GTF2IRD1: variants seen among roughly 807,000 people sequenced by gnomAD.
The protein encoded by GTF2IRD1 is GTF2I repeat domain containing 1.
In GTF2IRD1, 26 loss-of-function variants were observed where a neutral mutation model predicts 113.2. That is an observed-to-expected ratio of 0.23 (90% CI 0.17 to 0.32). The LOEUF is 0.32. Ranked by LOEUF, GTF2IRD1 falls within the 10% of genes least tolerant of loss-of-function variation. The pLI, the probability that GTF2IRD1 is intolerant of heterozygous loss-of-function variation, is 1.00. For missense variants in GTF2IRD1, 864 were observed against 1,280.8 expected (o/e 0.67, Z 4.97); for synonymous variants, 484 against 529.1 (o/e 0.91, Z 1.17).
At chr7:74,519,963 T>A (rs1172498436) in intron 6 of GTF2IRD1, among the ~76,000 whole-genome samples, 6 of 151,516 alleles carry the variant, frequency 4.0e-5, no homozygotes, top group African/African-American at 1.2e-4. Context: ...CTGCGAGGAC[T>A]CCCTGGGTCC....
intron 22 of GTF2IRD1, among the ~76,000 whole-genome samples, chr7:74,587,322 G>T (rs1562894509): frequency 6.6e-6 from 1 of 152,086 alleles, no homozygotes; most frequent in East Asian, 1.9e-4. Flanking sequence ...GCAGGCGCCT[G>T]TAGTCCCAGC....
At chr7:74,517,930 C>T (rs587742658) in intron 4 of GTF2IRD1, among the ~76,000 whole-genome samples, 13 of 152,308 alleles carry the variant, frequency 8.5e-5, no homozygotes, top group African/African-American at 3.1e-4. Context: ...CCCAGCCCCC[C>T]AGATGCAGAC....
At chr7:74,530,586 T>TAAAAA (rs58675988) in intron 9 of GTF2IRD1, among the ~76,000 whole-genome samples, 1 of 38,968 alleles carries the variant, frequency 2.6e-5, no homozygotes, top group Non-Finnish European at 4.4e-5. Context: ...CCCTGTTTCT[T>TAAAAA]AAAAAAAAAA....
intron 8 of GTF2IRD1, 112 bp downstream of exon 8, chr7:74,524,266 C>T (rs1316975610): frequency 2.5e-5 from 16 of 645,168 alleles, no homozygotes; most frequent in Non-Finnish European, 4.3e-5. Context: ...ATGCTGGCTC[C>T]CGCGCGCCGG....
intron 1 of GTF2IRD1, among the ~76,000 whole-genome samples, chr7:74,482,117 C>T (rs1794772120): frequency 6.6e-6 from 1 of 152,094 alleles, no homozygotes; most frequent in Non-Finnish European, 1.5e-5. Flanking sequence ...GGAACTGTAC[C>T]ATCTGTAGTT....
At chr7:74,586,374 TG>T (rs1801719870) in intron 22 of GTF2IRD1, among the ~76,000 whole-genome samples, 1 of 151,862 alleles carries the variant, frequency 6.6e-6, no homozygotes, top group African/African-American at 2.4e-5. Flanking sequence ...ATGTGGAGCG[TG>T]GGGTCTTTGT....
At chr7:74,493,008 A>G (rs1795456096) in intron 1 of GTF2IRD1, among the ~76,000 whole-genome samples, 1 of 152,020 alleles carries the variant, frequency 6.6e-6, no homozygotes, top group African/African-American at 2.4e-5. Context: ...CTTAGCCTCA[A>G]GTGGTCCTCC....
chr7:74,526,364 G>C (rs1467630399), intron 8 of GTF2IRD1, among the ~76,000 whole-genome samples: 2 of 152,236 alleles, frequency 1.3e-5, no homozygotes, highest in Admixed American at 6.5e-5. Flanking sequence ...CCCCACGGGT[G>C]GTGGGGACGG....
At chr7:74,464,868 G>A (rs1584453353) in intron 1 of GTF2IRD1, among the ~76,000 whole-genome samples, 5 of 151,958 alleles carry the variant, frequency 3.3e-5, no homozygotes, top group Non-Finnish European at 7.4e-5. Context: ...CACCCCTACC[G>A]GGTTCCCCAA....
chr7:74,545,607 G>A (rs1355636886), intron 15 of GTF2IRD1, 137 bp from the exon 16 acceptor site: 9 of 671,922 alleles, frequency 1.3e-5, no homozygotes, highest in African/African-American at 1.2e-4. Flanking sequence ...GAGGAAATAA[G>A]TTACCCACCG....
At chr7:74,517,862 C>T (rs1797041063) in intron 4 of GTF2IRD1, among the ~76,000 whole-genome samples, 1 of 152,194 alleles carries the variant, frequency 6.6e-6, no homozygotes, top group African/African-American at 2.4e-5. Context: ...GCCAGGTGCC[C>T]AGAGTGGAGA....
In GTF2IRD1 at chr7:74,544,795, C is replaced by G. The variant is rs142502062; in HGVS notation, c.1659C>G (p.Pro553=). The change falls in exon 15 of 27, where the codon CCC becomes CCG. Residue 553 remains proline, a synonymous_variant. Transcript: ENST00000424337. The part of the protein sequence containing the change: ...LSEDARPEER[P]VEDSHGDVIR... ...AGGACGCGCGGCCCGAGGAGAGGCC[C>G]GTGGAGGGTGAGGCCCTGTCTACCC... 1.0e-4 allele frequency: 161 copies of G among 1,613,456 alleles called. No individual in the cohort carries two copies. Among genetic ancestry groups the G allele is most frequent in the Non-Finnish European group, 1.3e-4 (156 of 1,179,612 alleles).
At chr7:74,462,169 T>C (rs1793414039) in intron 1 of GTF2IRD1, among the ~76,000 whole-genome samples, 1 of 151,890 alleles carries the variant, frequency 6.6e-6, no homozygotes. Context: ...AGGCCAAGAA[T>C]TTGAGACCAG....
In GTF2IRD1 at chr7:74,555,085, C is replaced by T. The variant is rs1799516233; in HGVS notation, c.1917-89C>T. On this transcript the variant is annotated intron_variant, in intron 17 of 26. Transcript: ENST00000424337. This position sits in a 1 kb window ranked among gnomAD's most constrained non-coding sequence, Gnocchi z 5.3. ...ATAGCCAGAAGGGTCCATTGCAGGG[C>T]TGTGTAGACTGAGGCCCAGAGAGGA... The T allele has an allele frequency of 8.5e-7, 1 of 1,181,638 alleles. No homozygotes were observed. Among genetic ancestry groups the T allele is most frequent in the Non-Finnish European group, 1.2e-6 (1 of 811,618 alleles). 73.2% of individuals were successfully genotyped at this position (1,181,638 alleles called of 1,614,324 possible). A position where few individuals can be genotyped will look rare whatever the true frequency, so the allele number is the denominator to read the frequency against.
intron 1 of GTF2IRD1, among the ~76,000 whole-genome samples, chr7:74,461,025 C>T (rs976427327): frequency 1.6e-4 from 25 of 152,210 alleles, no homozygotes; most frequent in African/African-American, 5.8e-4. Context: ...GTCCACCTTC[C>T]GCCCGCCTGG....
chr7:74,508,952 C>T (rs568007344), intron 2 of GTF2IRD1, among the ~76,000 whole-genome samples: 8 of 152,204 alleles, frequency 5.3e-5, no homozygotes, highest in Admixed American at 1.3e-4. Flanking sequence ...ACTCCCCTGG[C>T]GCTATTGCCT....
intron 24 of GTF2IRD1, among the ~76,000 whole-genome samples, chr7:74,591,489 G>A (rs1163635680): frequency 3.4e-5 from 5 of 146,380 alleles, no homozygotes; most frequent in Non-Finnish European, 5.9e-5. Context: ...ACCGATTCTC[G>A]TGCCTCAGCC....
At chr7:74,592,081 A>C (rs1295509797) in intron 24 of GTF2IRD1, among the ~76,000 whole-genome samples, 2 of 151,882 alleles carry the variant, frequency 1.3e-5, no homozygotes, top group African/African-American at 4.8e-5. Context: ...TATATTTTTA[A>C]ATTATTATTT....
intron 22 of GTF2IRD1, among the ~76,000 whole-genome samples, chr7:74,561,016 G>A (rs1358950382): frequency 6.6e-6 from 1 of 152,148 alleles, no homozygotes; most frequent in Non-Finnish European, 1.5e-5. Context: ...GTCCCTGCGG[G>A]GCGACATGCC....
Sources: allele counts gnomAD v4.1 joint callset (sites outside exome capture counted in the v4.1 genomes callset), GRCh38; gene constraint gnomAD v4.1.1; non-coding constraint Gnocchi (gnomAD v3.1); transcripts MANE v1.5; gene names NCBI Gene and HGNC (gene_info 2026-07-23, HGNC 2026-07-21).